PLXDC2: variants seen among roughly 807,000 people sequenced by gnomAD.
PLXDC2 encodes plexin domain containing 2, also known as plexin domain-containing protein 2.
A neutral mutation model predicts 68.9 loss-of-function variants in PLXDC2; 40 were observed. The observed-to-expected ratio is 0.58, with a 90% CI of 0.45 to 0.76. The LOEUF (loss-of-function observed/expected upper bound fraction) is 0.76. Ranked by LOEUF, PLXDC2 falls within the 30% of genes least tolerant of loss-of-function variation. The probability of loss-of-function intolerance (pLI) is 0.00; values close to 1 mark genes in which losing one functional copy is unlikely to be tolerated. For missense variants in PLXDC2, 644 were observed against 661.9 expected (o/e 0.97, Z 0.30); for synonymous variants, 243 against 234.2 (o/e 1.04, Z -0.34).
chr10:20,211,134 G>T (rs138412636), intron 9 of PLXDC2, among the ~76,000 whole-genome samples: 468 of 152,196 alleles, frequency 3.1e-3, no homozygotes, highest in African/African-American at 0.011. Context: ...CAAGTCAAGG[G>T]CCAGTCTTTT....
chr10:20,119,755 G>A (rs1833671684), intron 4 of PLXDC2, among the ~76,000 whole-genome samples: 1 of 152,078 alleles, frequency 6.6e-6, no homozygotes, highest in South Asian at 2.1e-4. Context: ...GGAACCTAGA[G>A]TGGGAGAGAT....
At chr10:20,077,708 C>T (rs1167600200) in intron 4 of PLXDC2, among the ~76,000 whole-genome samples, 1 of 152,068 alleles carries the variant, frequency 6.6e-6, no homozygotes, top group Non-Finnish European at 1.5e-5. Flanking sequence ...AAATCCAAAG[C>T]ACTTTTAGAT....
chr10:19,900,982 TGTGTGTGTG>T (rs974943168), intron 1 of PLXDC2, among the ~76,000 whole-genome samples: 62 of 24,402 alleles, frequency 2.5e-3, no homozygotes, highest in African/African-American at 0.019. Flanking sequence ...ATATGTGTGA[TGTGTGTGTG>T]TGTGTGTGTG....
At chr10:20,045,302 C>G (rs1044845827) in intron 2 of PLXDC2, among the ~76,000 whole-genome samples, 1 of 152,082 alleles carries the variant, frequency 6.6e-6, no homozygotes, top group African/African-American at 2.4e-5. Context: ...TGTCAAGTAG[C>G]TGGGATTACA....
chr10:19,926,933 A>T (rs1308928423), intron 1 of PLXDC2, among the ~76,000 whole-genome samples: 1 of 152,144 alleles, frequency 6.6e-6, no homozygotes, highest in East Asian at 1.9e-4. Context: ...CCTCAATGTG[A>T]ATCATGATTG....
chr10:19,939,754 T>C (rs1232692534), intron 1 of PLXDC2, among the ~76,000 whole-genome samples: 2 of 152,008 alleles, frequency 1.3e-5, no homozygotes, highest in African/African-American at 4.8e-5. Flanking sequence ...GAAAGGAAAA[T>C]GGAACACAGT....
intron 9 of PLXDC2, among the ~76,000 whole-genome samples, chr10:20,199,063 C>T (rs191558625): frequency 6.4e-4 from 98 of 151,998 alleles, no homozygotes; most frequent in African/African-American, 2.0e-3. Context: ...GTTAAAAATC[C>T]AGTCAATAGT....
chr10:19,920,772 GT>G (rs1833448032), intron 1 of PLXDC2, among the ~76,000 whole-genome samples: 1 of 152,102 alleles, frequency 6.6e-6, no homozygotes, highest in Non-Finnish European at 1.5e-5. Flanking sequence ...TGCCCAGGCT[GT>G]TTTTGAACTC....
intron 12 of PLXDC2, among the ~76,000 whole-genome samples, chr10:20,237,995 A>G (rs1835456925): frequency 6.6e-6 from 1 of 152,126 alleles, no homozygotes; most frequent in African/African-American, 2.4e-5. Context: ...CATTTTGGCA[A>G]TGCATTAAAA....
chr10:19,828,164 G>A (rs1836611014), intron 1 of PLXDC2, among the ~76,000 whole-genome samples: 2 of 152,134 alleles, frequency 1.3e-5, no homozygotes, highest in African/African-American at 4.8e-5. Flanking sequence ...CTCTGGACCA[G>A]CAACGCTCCA....
intron 9 of PLXDC2, among the ~76,000 whole-genome samples, chr10:20,206,248 C>G (rs528473363): frequency 6.6e-6 from 1 of 152,172 alleles, no homozygotes; most frequent in East Asian, 1.9e-4. Context: ...AATACTAACT[C>G]AAACAATTGG....
At chr10:20,162,042 A>AG (rs1834299966) in intron 6 of PLXDC2, among the ~76,000 whole-genome samples, 3 of 72,358 alleles carry the variant, frequency 4.1e-5, no homozygotes, top group African/African-American at 1.1e-4. Flanking sequence ...GAAAGAAAGA[A>AG]AGAGAGAGAG....
chr10:20,282,815 T>G lies in PLXDC2; in HGVS notation c.*2996T>G, dbSNP rs1836099064. 6.6e-6 allele frequency: 1 copy of G among 152,210 alleles called. No homozygotes were observed. Among genetic ancestry groups the G allele is most frequent in the Admixed American group, 6.5e-5 (1 of 15,272 alleles). The allele number at this position is 152,210 out of a possible 1,614,324, so 9.4% of individuals were successfully genotyped here. A position where few individuals can be genotyped will look rare whatever the true frequency, so the allele number is the denominator to read the frequency against. On this transcript the variant is annotated 3_prime_UTR_variant, in exon 14 of 14. Transcript: ENST00000377252. Reference sequence around the variant, plus strand: ...ATACTAACACCTAGAAAACTAAAAGTGCAATTGACCCCCAATTACTATTTT... The same window carrying G: ...ATACTAACACCTAGAAAACTAAAAGGGCAATTGACCCCCAATTACTATTTT...
chr10:20,035,030 T>TA (rs1445663385), intron 2 of PLXDC2, among the ~76,000 whole-genome samples: 1 of 152,242 alleles, frequency 6.6e-6, no homozygotes, highest in Non-Finnish European at 1.5e-5. Flanking sequence ...TGATGTCTAA[T>TA]AGCATTTTAT....
rs764525402 is a variant in PLXDC2 at position 19,817,130 on chromosome 10, T to C, written c.51T>C (p.Leu17=). ...TGGCCGCTGCAGGAGTTATGTTACT[T>C]TGCCACTTCTTCACGGACCAGTTTC... is the stretch of plus-strand genomic sequence containing the variant. ...ADLAAAGVML[L]CHFFTDQFQF... is the part of the protein sequence containing the mutation. The change falls in exon 1 of 14, where the codon CTT becomes CTC. Residue 17 remains leucine, a synonymous_variant. Transcript: ENST00000377252. The C allele has an allele frequency of 1.1e-5, 18 of 1,574,946 alleles. No individual in the cohort carries two copies. The African/African-American group carries it at 1.8e-4, about 15-fold the overall frequency.
intron 1 of PLXDC2, among the ~76,000 whole-genome samples, chr10:19,991,596 A>G (rs1469171604): frequency 2.6e-5 from 4 of 152,168 alleles, no homozygotes; most frequent in Non-Finnish European, 4.4e-5. Context: ...AAGTACATCT[A>G]TTGGCTGTCG....
At chr10:20,255,066 T>C (rs1291936218) in intron 13 of PLXDC2, among the ~76,000 whole-genome samples, 1 of 152,200 alleles carries the variant, frequency 6.6e-6, no homozygotes, top group East Asian at 1.9e-4. Flanking sequence ...AAATACTGAA[T>C]AAAATATCTT....
intron 6 of PLXDC2, among the ~76,000 whole-genome samples, chr10:20,159,411 T>G (rs1168197469): frequency 1.3e-5 from 2 of 152,114 alleles, no homozygotes; most frequent in Non-Finnish European, 2.9e-5. Flanking sequence ...ACATAATTCT[T>G]CCAGAATCTG....
intron 2 of PLXDC2, among the ~76,000 whole-genome samples, chr10:20,032,761 GTTTC>G (rs1835520268): frequency 6.6e-6 from 1 of 151,810 alleles, no homozygotes; most frequent in Non-Finnish European, 1.5e-5. Flanking sequence ...CTCAGCTTCA[GTTTC>G]TTTATTTTTA....
Sources: allele counts gnomAD v4.1 joint callset (sites outside exome capture counted in the v4.1 genomes callset), GRCh38; gene constraint gnomAD v4.1.1; transcripts MANE v1.5; gene names NCBI Gene and HGNC (gene_info 2026-07-23, HGNC 2026-07-21).